The following ITGA9 variants were observed in gnomAD, a reference collection of about 807,000 sequenced individuals.
ITGA9 encodes integrin alpha-9.
A neutral mutation model predicts 127.8 loss-of-function variants in ITGA9; 56 were observed. The ratio of observed to expected loss-of-function variants is 0.44; its 90% CI spans 0.35 to 0.55. The LOEUF (loss-of-function observed/expected upper bound fraction) is 0.55. Among genes scored for constraint, ITGA9 ranks in the 20% least tolerant of loss-of-function variants. The pLI is 0.00. For synonymous variants in ITGA9, 508 were observed against 514.5 expected (o/e 0.99, Z 0.17); for missense variants, 1,196 against 1,347.1 (o/e 0.89, Z 1.76).
At chr3:37,803,718 G>A (rs1697260903) in intron 26 of ITGA9, 105 bp from the exon 27 acceptor site, 1 of 1,336,326 alleles carries the variant, frequency 7.5e-7, no homozygotes, top group Non-Finnish European at 1.0e-6. Context: ...AGGTTGCAGT[G>A]AGCCGAGATT....
At chr3:37,699,884 A>T (rs1003919268) in intron 18 of ITGA9, among the ~76,000 whole-genome samples, 2 of 152,198 alleles carry the variant, frequency 1.3e-5, no homozygotes, top group Non-Finnish European at 2.9e-5. Context: ...TCTGTGCTTA[A>T]ATGTCACCTG....
At chr3:37,804,858 T>C (rs754827914) in intron 27 of ITGA9, among the ~76,000 whole-genome samples, 2 of 152,194 alleles carry the variant, frequency 1.3e-5, no homozygotes, top group African/African-American at 4.8e-5. Context: ...CCAAAAAAAG[T>C]TGTAAAACAC....
In ITGA9 at chr3:37,629,024, A is replaced by G. The variant is rs527776172; in HGVS notation, c.1690-163A>G. On this transcript the variant is annotated intron_variant, in intron 15 of 27. Coordinates refer to ENST00000264741, the MANE Select transcript of ITGA9 (RefSeq NM_002207.3). This position sits in a 1 kb window ranked among gnomAD's most constrained non-coding sequence, Gnocchi z 4.5. The stretch of plus-strand genomic sequence containing the variant: ...AAGACACTAGCTGCCCTAGGCCTCA[A>G]TTACCTCATTTAAAATATGAAAGTC... 2.6e-5 allele frequency among the ~76,000 whole-genome samples: 4 copies of G among 152,302 alleles called. No homozygotes were observed. Among genetic ancestry groups the G allele is most frequent in the African/African-American group, 7.2e-5 (3 of 41,564 alleles).
In ITGA9 at chr3:37,473,403, T is replaced by C. The variant is rs781051622; in HGVS notation, c.363T>C (p.Asp121=). The C allele has an allele frequency of 6.2e-7, 1 of 1,614,038 alleles. No individual in the cohort carries two copies. The highest frequency in any genetic ancestry group is 8.5e-7 in the Non-Finnish European group (1 of 1,180,020). Residue 121 remains aspartate (D), a synonymous_variant, in exon 3 of 28, where the codon GAT becomes GAC. Coordinates refer to ENST00000264741, the MANE Select transcript of ITGA9 (RefSeq NM_002207.3). ...SCGKTCREDR[D]DEWMGVSLAR... is the part of the protein sequence containing the mutation. ...GAAAGACCTGCCGGGAAGACCGCGA[T>C]GATGAGTGGATGGGGGTGAGCCTGG...
At position 37,702,062 on chromosome 3, in the gene ITGA9, T is replaced by C. The variant is rs541611972; in HGVS notation, c.2067+18047T>C. Among the ~76,000 whole-genome samples, 219 of 152,140 alleles carry C rather than the reference T, an allele frequency of 1.4e-3. 1 individual carries two copies. The highest frequency in any genetic ancestry group is 5.1e-3 in the African/African-American group (211 of 41,528). The stretch of plus-strand genomic sequence containing the variant: ...TGGGGAAAAGGTGAGTTATTTAGCA[T>C]TGGAGGAGCCTGTTTGTAGCCATGG... On this transcript the variant is annotated intron_variant, in intron 18 of 27. Transcript: ENST00000264741.
At chr3:37,681,766 T>C (rs1700736942) in intron 17 of ITGA9, among the ~76,000 whole-genome samples, 1 of 152,122 alleles carries the variant, frequency 6.6e-6, no homozygotes, top group Non-Finnish European at 1.5e-5. Context: ...AGCCTCAGCC[T>C]TATCACCGTT....
intron 14 of ITGA9, among the ~76,000 whole-genome samples, chr3:37,537,498 G>A (rs1362594929): frequency 6.6e-6 from 1 of 152,184 alleles, no homozygotes; most frequent in Admixed American, 6.5e-5. Flanking sequence ...TCATAAACCA[G>A]CACAGCAAGC....
rs1202058955 is a variant in ITGA9, at chr3:37,512,073, TTTCCTTCC to T, written c.898-1650_898-1643del. On this transcript the variant is annotated intron_variant, in intron 8 of 27. Transcript: ENST00000264741. ...CTTTCTTTCTTTCTTTCTTTCTTTC[TTTCCTTCC>T]TTCCTTCCTTCCTTCCTTCCTTCCT... 3.4e-3 allele frequency among the ~76,000 whole-genome samples: 132 copies of T among 39,138 alleles called. 5 individuals carry two copies. Among genetic ancestry groups the T allele is most frequent in the East Asian group, 6.5e-3 (7 of 1,082 alleles). 25.7% of individuals were successfully genotyped at this position (39,138 alleles called of 152,430 possible). A position where few individuals can be genotyped will look rare whatever the true frequency, so the allele number is the denominator to read the frequency against.
Position 37,481,332 on chromosome 3 carries a change from G to C in ITGA9, c.421-152G>C, listed in dbSNP as rs1049684301. 3.2e-6 allele frequency: 3 copies of C among 949,734 alleles called. No individual in the cohort carries two copies. In the African/African-American group the frequency reaches 4.8e-5, roughly 15 times the overall value. 58.8% of individuals were successfully genotyped at this position (949,734 alleles called of 1,614,324 possible). On this transcript the variant is annotated intron_variant, in intron 3 of 27. Transcript: ENST00000264741. ...GTTCCTGTTCATGCAGTTTTCTGAT[G>C]CCCAGAAAAGTGCCTGTTATGAAGG...
intron 27 of ITGA9, among the ~76,000 whole-genome samples, chr3:37,804,236 G>A (rs2125562680): frequency 6.6e-6 from 1 of 152,298 alleles, no homozygotes; most frequent in Middle Eastern, 3.4e-3. Context: ...CAGAAGTCTG[G>A]GGAGCAACTG....
intron 15 of ITGA9, among the ~76,000 whole-genome samples, chr3:37,577,902 G>A (rs1699668979): frequency 6.6e-6 from 1 of 152,126 alleles, no homozygotes. Flanking sequence ...TTCCTGGAGG[G>A]CTTCAGTATT....
At chr3:37,784,732 G>A (rs925841463) in intron 25 of ITGA9, among the ~76,000 whole-genome samples, 1 of 152,150 alleles carries the variant, frequency 6.6e-6, no homozygotes, top group African/African-American at 2.4e-5. Flanking sequence ...CACACATCTT[G>A]CGTGTGTTGA....
At position 37,452,397 on chromosome 3, in the gene ITGA9, G is replaced by C. The variant is rs1579032658; in HGVS notation, c.23G>C (p.Arg8Thr). 1.5e-6 allele frequency: 2 copies of C among 1,358,882 alleles called. No individual in the cohort carries two copies. Among genetic ancestry groups the C allele is most frequent in the East Asian group, 6.6e-5 (2 of 30,420 alleles). The allele number at this position is 1,358,882 out of a possible 1,614,324, so 84.2% of individuals were successfully genotyped here. Reference protein sequence around the residue: MGGPAAPRGAGRLRALLL... With the variant: MGGPAAPTGAGRLRALLL... ...GGGATGGGCGGCCCGGCTGCGCCGA[G>C]GGGCGCCGGGAGGCTCCGCGCGCTG... The change falls in exon 1 of 28, where the codon AGG becomes ACG. Residue 8 changes from arginine to threonine, a missense_variant. Arg to Thr is a moderately conservative substitution (Grantham distance 71). Transcript: ENST00000264741. The surrounding 1 kb of genome is among the most constrained non-coding windows in gnomAD (Gnocchi z 7.3).
intron 15 of ITGA9, among the ~76,000 whole-genome samples, chr3:37,623,463 C>T (rs1700145713): frequency 6.6e-6 from 1 of 152,206 alleles, no homozygotes; most frequent in Admixed American, 6.5e-5. Flanking sequence ...ACACTGCTTA[C>T]AAATCTGGAA....
At chr3:37,613,303 T>C (rs1700042268) in intron 15 of ITGA9, among the ~76,000 whole-genome samples, 1 of 152,248 alleles carries the variant, frequency 6.6e-6, no homozygotes, top group African/African-American at 2.4e-5. Flanking sequence ...TCATCATTTT[T>C]TATGGCTGCA....
At chr3:37,793,524 G>A (rs573225886) in intron 26 of ITGA9, among the ~76,000 whole-genome samples, 2 of 151,744 alleles carry the variant, frequency 1.3e-5, no homozygotes, top group South Asian at 4.2e-4. Context: ...TTTCACAGAA[G>A]GAGTGACCCC....
chr3:37,725,841 G>A (rs1696183663), intron 18 of ITGA9, among the ~76,000 whole-genome samples: 1 of 152,190 alleles, frequency 6.6e-6, no homozygotes, highest in African/African-American at 2.4e-5. Flanking sequence ...AGAAAGGATG[G>A]TTAATTTGCC....
chr3:37,592,247 G>A (rs1423684876), intron 15 of ITGA9, among the ~76,000 whole-genome samples: 1 of 152,162 alleles, frequency 6.6e-6, no homozygotes, highest in African/African-American at 2.4e-5. Context: ...CAAACCCTCA[G>A]TTTTCAATTA....
At chr3:37,654,190 C>CCACACACACACACA (rs67516814) in intron 17 of ITGA9, among the ~76,000 whole-genome samples, 61 of 146,402 alleles carry the variant, frequency 4.2e-4, no homozygotes, top group Middle Eastern at 3.6e-3. Flanking sequence ...CCTCCTGCCT[C>CCACACACACACACA]CACACACACA....
Sources: gnomAD v4.1 joint callset for allele counts (sites outside exome capture counted in the v4.1 genomes callset) on GRCh38, gnomAD v4.1.1 for gene constraint, Gnocchi (gnomAD v3.1) non-coding constraint, MANE v1.5 for transcripts, NCBI Gene and HGNC (gene_info 2026-07-23, HGNC 2026-07-21) for gene names.